RGS6: variants seen among roughly 807,000 people sequenced by gnomAD.
RGS6 encodes the protein regulator of G-protein signaling 6.
Under a neutral mutation model 78.5 loss-of-function variants are expected in RGS6, and 30 were observed. The ratio of observed to expected loss-of-function variants is 0.38; its 90% CI spans 0.29 to 0.52. RGS6 has a LOEUF of 0.52. Among genes scored for constraint, RGS6 ranks in the 20% least tolerant of loss-of-function variants. The pLI, the probability that RGS6 is intolerant of heterozygous loss-of-function variation, is 0.85. For synonymous variants in RGS6, 206 were observed against 206.0 expected, an observed-to-expected ratio of 1.00 and a Z score of 0.00; for missense variants, 495 against 609.7, an observed-to-expected ratio of 0.81 and a Z score of 1.98.
chr14:72,480,472 C>A (rs143280087), intron 12 of RGS6, among the ~76,000 whole-genome samples: 4 of 152,158 alleles, frequency 2.6e-5, no homozygotes, highest in African/African-American at 9.7e-5. Flanking sequence ...GGCTACTCCT[C>A]GGTGCCCAGC....
chr14:72,062,271 A>G (rs965669268), intron 2 of RGS6, among the ~76,000 whole-genome samples: 12 of 152,254 alleles, frequency 7.9e-5, no homozygotes, highest in Non-Finnish European at 1.8e-4. Context: ...TTTGAAGAAC[A>G]GCAAAGAGAC....
intron 2 of RGS6, among the ~76,000 whole-genome samples, chr14:72,152,113 T>G (rs1214899340): frequency 1.3e-5 from 2 of 152,110 alleles, no homozygotes; most frequent in Non-Finnish European, 1.5e-5. Flanking sequence ...CACATACAGT[T>G]AAGTGGTCTA....
At chr14:72,016,468 C>T (rs1250709705) in intron 2 of RGS6, among the ~76,000 whole-genome samples, 1 of 152,174 alleles carries the variant, frequency 6.6e-6, no homozygotes, top group Non-Finnish European at 1.5e-5. Context: ...CGGGTTCACG[C>T]CATTCTCCTG....
At chr14:71,939,623 T>C (rs1247620239) in intron 1 of RGS6, among the ~76,000 whole-genome samples, 2 of 152,246 alleles carry the variant, frequency 1.3e-5, no homozygotes, top group Non-Finnish European at 2.9e-5. Context: ...AATGGCTGCA[T>C]ACCAAGTACT....
chr14:72,169,017 C>T (rs1567365852), intron 2 of RGS6, among the ~76,000 whole-genome samples: 1 of 152,228 alleles, frequency 6.6e-6, no homozygotes, highest in Non-Finnish European at 1.5e-5. Context: ...CCCCCACTGC[C>T]ACTGCCACCA....
chr14:71,954,821 A>G (rs756928886), intron 1 of RGS6, among the ~76,000 whole-genome samples: 1 of 152,188 alleles, frequency 6.6e-6, no homozygotes, highest in African/African-American at 2.4e-5. Context: ...TACTTTCTCC[A>G]TTAGAATCCT....
intron 13 of RGS6, among the ~76,000 whole-genome samples, chr14:72,504,088 G>T (rs1437731290): frequency 6.6e-6 from 1 of 152,164 alleles, no homozygotes; most frequent in East Asian, 1.9e-4. Context: ...TGAACTCTGG[G>T]CCTATGGTGC....
chr14:72,326,801 G>A (rs542101760), intron 2 of RGS6, among the ~76,000 whole-genome samples: 19 of 152,228 alleles, frequency 1.2e-4, no homozygotes, highest in South Asian at 6.2e-4. Flanking sequence ...TCCACCTCCC[G>A]GGCTCACGCC....
intron 2 of RGS6, among the ~76,000 whole-genome samples, chr14:71,972,115 C>A (rs754115856): frequency 3.3e-5 from 5 of 152,026 alleles, no homozygotes; most frequent in Non-Finnish European, 7.4e-5. Flanking sequence ...ATCAACTTGT[C>A]ATTTACATTA....
At chr14:72,264,966 C>T (rs2058788480) in intron 2 of RGS6, among the ~76,000 whole-genome samples, 1 of 152,118 alleles carries the variant, frequency 6.6e-6, no homozygotes, top group African/African-American at 2.4e-5. Flanking sequence ...TGTACCTCTC[C>T]CTGATGCCTG....
At chr14:72,608,564 A>G in the RGS6 span, among the ~76,000 whole-genome samples, 1 of 152,112 alleles carries the variant, frequency 6.6e-6, no homozygotes, top group Non-Finnish European at 1.5e-5. Flanking sequence ...CCTGTGAGTC[A>G]TCTCTGATTC....
chr14:72,128,958 G>A lies in RGS6; in HGVS notation c.84+164083G>A, dbSNP rs761069648. ...TCACAGAATGTCTGTAGTCAGTCAC[G>A]TTTTAGCACTGACAGTAAAATGTCA... On this transcript the variant is annotated intron_variant, in intron 2 of 17. Transcript: ENST00000553525. 9.9e-5 allele frequency among the ~76,000 whole-genome samples: 15 copies of A among 152,246 alleles called. No individual in the cohort carries two copies. In the South Asian group the frequency reaches 1.5e-3, roughly 15 times the overall value.
At chr14:72,446,951 C>T (rs961460423) in intron 3 of RGS6, among the ~76,000 whole-genome samples, 4 of 152,042 alleles carry the variant, frequency 2.6e-5, no homozygotes, top group African/African-American at 7.2e-5. Context: ...CTTGCTCACC[C>T]GCCACTCACC....
intron 2 of RGS6, among the ~76,000 whole-genome samples, chr14:72,293,796 T>C (rs1209127113): frequency 6.6e-6 from 1 of 152,202 alleles, no homozygotes; most frequent in Non-Finnish European, 1.5e-5. Context: ...TATTTTAGGC[T>C]TTGCAAACCG....
chr14:72,115,690 C>T (rs2095870552), intron 2 of RGS6, among the ~76,000 whole-genome samples: 1 of 152,234 alleles, frequency 6.6e-6, no homozygotes, highest in Non-Finnish European at 1.5e-5. Flanking sequence ...ATGCAAAAGA[C>T]TATAGCTACT....
At chr14:72,312,579 C>T (rs745813567) in intron 2 of RGS6, among the ~76,000 whole-genome samples, 14 of 152,164 alleles carry the variant, frequency 9.2e-5, no homozygotes, top group Non-Finnish European at 2.1e-4. Context: ...TCAAAGGGAG[C>T]TAATAATACC....
In RGS6 at chr14:72,411,951, T is replaced by C. The variant is rs564676516; in HGVS notation, c.185-42577T>C. On this transcript the variant is annotated intron_variant, in intron 3 of 17. Coordinates refer to ENST00000553525, the MANE Select transcript of RGS6 (RefSeq NM_001204424.2). ...CATGGTGGATAAGCTTTTTGATGTG[T>C]TGCTGGATTCGGTTTGCCAGTATTT... 1.1e-4 allele frequency among the ~76,000 whole-genome samples: 16 copies of C among 152,278 alleles called. No homozygotes were observed. In the East Asian group the frequency reaches 1.5e-3, roughly 15 times the overall value.
chr14:71,890,558 C>A, the RGS6 span, among the ~76,000 whole-genome samples: 125,972 of 152,114 alleles, frequency 0.83, 52,353 homozygotes, highest in Non-Finnish European at 0.85. Flanking sequence ...AGTTTATTCC[C>A]TTTCTAACCA....
At chr14:71,990,946 G>C (rs2153183943) in intron 2 of RGS6, 1 of 430,006 alleles carries the variant, frequency 2.3e-6, no homozygotes, top group East Asian at 7.0e-5. Flanking sequence ...ACCTGAACCT[G>C]ATTCTCTTTG....
Sources: allele counts gnomAD v4.1 joint callset (sites outside exome capture counted in the v4.1 genomes callset), GRCh38; gene constraint gnomAD v4.1.1; transcripts MANE v1.5; gene names NCBI Gene and HGNC (gene_info 2026-07-23, HGNC 2026-07-21).